Variants in GPHN observed in about 807,000 individuals in gnomAD.
The protein encoded by GPHN is gephyrin.
GPHN carries 17 observed loss-of-function variants against 95.5 expected under a neutral mutation model. The ratio of observed to expected loss-of-function variants is 0.18; its 90% CI spans 0.12 to 0.27. The LOEUF is 0.27. GPHN is among the 10% of genes least tolerant of loss of function. GPHN has a pLI of 1.00. For synonymous variants in GPHN, 320 were observed against 322.5 expected, an observed-to-expected ratio of 0.99 and a Z score of 0.08; for missense variants, 660 against 978.1, an observed-to-expected ratio of 0.67 and a Z score of 4.34.
chr14:67,150,218 G>A (rs994829416), intron 18 of GPHN, among the ~76,000 whole-genome samples: 3 of 151,590 alleles, frequency 2.0e-5, no homozygotes, highest in East Asian at 1.9e-4. Flanking sequence ...CGAGGCGGGC[G>A]GATCACGAGA....
Position 66,975,250 on chromosome 14 carries a change from G to C in GPHN, c.963+9925G>C, listed in dbSNP as rs1594693728. Among the ~76,000 whole-genome samples the C allele has an allele frequency of 1.3e-5, 2 of 152,260 alleles. 1 individual carries two copies. Among genetic ancestry groups the C allele is most frequent in the South Asian group, 4.1e-4 (2 of 4,830 alleles). On this transcript the variant is annotated intron_variant, in intron 9 of 22. Coordinates refer to ENST00000478722, the MANE Select transcript of GPHN (RefSeq NM_020806.5). ...TTCTAGTTTTAAAAACAATGCTGTA[G>C]ATAATCTTTCAGAAGTTAAAGGTTT... is the stretch of plus-strand genomic sequence containing the variant.
the GPHN span, among the ~76,000 whole-genome samples, chr14:67,554,229 T>TG: frequency 6.6e-6 from 1 of 152,184 alleles, no homozygotes; most frequent in African/African-American, 2.4e-5. Context: ...AGCAGCAGGC[T>TG]GGGGGGTCCT....
chr14:67,651,205 C>T, the GPHN span: 1 of 1,230,998 alleles, frequency 8.1e-7, no homozygotes, highest in Admixed American at 2.7e-5. Flanking sequence ...GGTCTTGTTG[C>T]TGTTGTTCCT....
intron 9 of GPHN, among the ~76,000 whole-genome samples, chr14:67,001,914 C>A (rs963555887): frequency 1.3e-5 from 2 of 151,606 alleles, no homozygotes; most frequent in African/African-American, 4.8e-5. Context: ...GGCAAATTTT[C>A]TTTTGCTCCT....
intron 11 of GPHN, among the ~76,000 whole-genome samples, chr14:67,079,893 A>G (rs745370352): frequency 2.0e-5 from 3 of 152,098 alleles, no homozygotes; most frequent in Admixed American, 6.6e-5. Flanking sequence ...TATAGTTTCT[A>G]TGACCATATT....
Position 67,028,518 on chromosome 14 carries a change from AC to A in GPHN, c.1006+4845del, listed in dbSNP as rs374377873. Among the ~76,000 whole-genome samples, 130 of 152,106 alleles carry A rather than the reference AC, an allele frequency of 8.5e-4. 4 individuals are homozygous for A. In the South Asian group the frequency reaches 0.027, roughly 31 times the overall value. ...AGAGTTCCCTTTTCTCCACATCCTT[AC>A]CAGTATGTGTTAGTTTTTGTTTTTT... On this transcript the variant is annotated intron_variant, in intron 10 of 22. Transcript: ENST00000478722.
chr14:66,854,218 G>C (rs915723779), intron 4 of GPHN, among the ~76,000 whole-genome samples: 2 of 152,158 alleles, frequency 1.3e-5, no homozygotes, highest in African/African-American at 4.8e-5. Flanking sequence ...GGAGTAGCCA[G>C]GTATCATTAG....
the GPHN span, chr14:67,571,647 G>T: frequency 3.5e-6 from 4 of 1,130,110 alleles, no homozygotes; most frequent in Non-Finnish European, 2.6e-6. Flanking sequence ...TCCCGGCTGG[G>T]GGTTGGCCAC....
At chr14:67,504,840 C>T in the GPHN span, among the ~76,000 whole-genome samples, 1 of 152,086 alleles carries the variant, frequency 6.6e-6, no homozygotes, top group South Asian at 2.1e-4. Context: ...GAGCTGAGAT[C>T]TCACCATTGC....
At chr14:67,506,153 G>C in the GPHN span, among the ~76,000 whole-genome samples, 1 of 152,218 alleles carries the variant, frequency 6.6e-6, no homozygotes. Flanking sequence ...TCCCAGTCCA[G>C]TGACAAAGGA....
At chr14:66,976,483 A>C in intron 9 of GPHN, among the ~76,000 whole-genome samples, 1 of 152,158 alleles carries the variant, frequency 6.6e-6, no homozygotes, top group East Asian at 1.9e-4. Flanking sequence ...TTTGACTTTA[A>C]TATAGAGTAC....
chr14:67,460,894 C>T, the GPHN span, among the ~76,000 whole-genome samples: 11 of 152,176 alleles, frequency 7.2e-5, no homozygotes, highest in African/African-American at 1.7e-4. Context: ...TAAGGGATCA[C>T]GGTCCTGTAT....
the GPHN span, among the ~76,000 whole-genome samples, chr14:67,500,640 C>T: frequency 6.8e-6 from 1 of 147,990 alleles, no homozygotes; most frequent in South Asian, 2.2e-4. Context: ...GGCGCGATCT[C>T]GGCTCACTGC....
chr14:66,808,390 G>T (rs1215191025), intron 3 of GPHN, among the ~76,000 whole-genome samples: 1 of 152,028 alleles, frequency 6.6e-6, no homozygotes, highest in African/African-American at 2.4e-5. Context: ...TAATGTATTG[G>T]CTTGTCAATC....
chr14:66,641,113 G>A (rs983069154), intron 1 of GPHN, among the ~76,000 whole-genome samples: 3 of 152,162 alleles, frequency 2.0e-5, no homozygotes, highest in African/African-American at 7.2e-5. Flanking sequence ...CAATAAGGTA[G>A]ACTATAAGAT....
At chr14:67,499,183 T>C in the GPHN span, among the ~76,000 whole-genome samples, 5 of 152,026 alleles carry the variant, frequency 3.3e-5, no homozygotes, top group East Asian at 7.7e-4. Context: ...CTTAATTTTT[T>C]TGTAGATATG....
chr14:67,727,441 T>C, the GPHN span: 3 of 471,816 alleles, frequency 6.4e-6, no homozygotes, highest in Middle Eastern at 6.2e-4. Context: ...CATTTGATTT[T>C]CACAGTAGCT....
intron 10 of GPHN, among the ~76,000 whole-genome samples, chr14:67,041,345 C>G (rs1180672362): frequency 6.6e-6 from 1 of 151,976 alleles, no homozygotes; most frequent in African/African-American, 2.4e-5. Flanking sequence ...TTAGGTATTT[C>G]TCCTAATGTT....
At position 66,851,346 on chromosome 14, in the gene GPHN, C is replaced by CT. The variant is rs112248816; in HGVS notation, c.294+26791dup. On this transcript the variant is annotated intron_variant, in intron 4 of 22. Transcript: ENST00000478722. ...CTTTGACTTTTAGCACTACAGATTACTTTTTTTTTTTCAAAGACAGGAGCT... is the reference window on the plus strand; with the variant it reads ...CTTTGACTTTTAGCACTACAGATTACTTTTTTTTTTTTCAAAGACAGGAGCT... Among the ~76,000 whole-genome samples, 204 of 147,788 alleles carry CT rather than the reference C, an allele frequency of 1.4e-3. 1 individual carries two copies. The highest frequency in any genetic ancestry group is 3.0e-3 in the African/African-American group (123 of 40,548).
Sources: gnomAD v4.1 joint callset for allele counts (sites outside exome capture counted in the v4.1 genomes callset) on GRCh38, gnomAD v4.1.1 for gene constraint, MANE v1.5 for transcripts, NCBI Gene and HGNC (gene_info 2026-07-23, HGNC 2026-07-21) for gene names.